SLIT1: variants seen among roughly 807,000 people sequenced by gnomAD.
SLIT1 encodes the protein slit guidance ligand 1.
SLIT1 carries 66 observed loss-of-function variants against 186.1 expected under a neutral mutation model. The ratio of observed to expected loss-of-function variants is 0.35; its 90% CI spans 0.29 to 0.44. The LOEUF (loss-of-function observed/expected upper bound fraction) is 0.44, where lower values mean the gene tolerates loss of function less well. Ranked by LOEUF, SLIT1 falls within the 20% of genes least tolerant of loss-of-function variation. The pLI is 1.00. For synonymous variants in SLIT1, 761 were observed against 833.8 expected, an observed-to-expected ratio of 0.91 and a Z score of 1.50; for missense variants, 1,638 against 2,037.4, an observed-to-expected ratio of 0.80 and a Z score of 3.77.
chr10:97,090,600 G>C (rs531693222), intron 4 of SLIT1, among the ~76,000 whole-genome samples: 16 of 152,182 alleles, frequency 1.1e-4, no homozygotes, highest in Non-Finnish European at 1.8e-4. Context: ...AGGGTGTTGG[G>C]GGGGGCAGTG....
At chr10:97,020,663 C>T (rs79477242) in intron 26 of SLIT1, among the ~76,000 whole-genome samples, 3 of 152,262 alleles carry the variant, frequency 2.0e-5, no homozygotes, top group Non-Finnish European at 4.4e-5. Context: ...GTCCTCCCCC[C>T]GCTGTACCCC....
At chr10:97,118,556 C>G (rs961547146) in intron 4 of SLIT1, among the ~76,000 whole-genome samples, 1 of 152,200 alleles carries the variant, frequency 6.6e-6, no homozygotes, top group African/African-American at 2.4e-5. Context: ...AGGTTCTGAC[C>G]TTCAATAGAA....
rs118161273 is a variant in SLIT1, at chr10:97,014,798, G to A, written c.2970-640C>T. On this transcript the variant is annotated intron_variant, in intron 28 of 36. Coordinates refer to ENST00000266058, the MANE Select transcript of SLIT1 (RefSeq NM_003061.3). ...GGAGAATCGCTTGAACCTGTGAGGT[G>A]GAGGTTATAGTTAGCCAAGATCATG... 5.8e-3 allele frequency among the ~76,000 whole-genome samples: 888 copies of A among 152,094 alleles called. 5 individuals carry two copies. The highest frequency in any genetic ancestry group is 0.016 in the South Asian group (78 of 4,806).
intron 4 of SLIT1, among the ~76,000 whole-genome samples, chr10:97,122,978 C>A (rs1012398609): frequency 6.6e-6 from 1 of 152,194 alleles, no homozygotes; most frequent in African/African-American, 2.4e-5. Flanking sequence ...CAACAGATGT[C>A]ATTTATCCAG....
intron 4 of SLIT1, among the ~76,000 whole-genome samples, chr10:97,118,369 C>T (rs2817703): frequency 0.46 from 70,562 of 151,976 alleles, 19,157 homozygotes; most frequent in Non-Finnish European, 0.6. Context: ...CACTTCTTGG[C>T]GCAGCAGGAC....
Position 97,184,901 on chromosome 10 carries a change from G to A in SLIT1, c.197+577C>T, listed in dbSNP as rs1221063367. Among the ~76,000 whole-genome samples, 1 of 152,168 alleles carries A rather than the reference G, an allele frequency of 6.6e-6. No homozygotes were observed. ...GGATGGCTGGGTGTGGAGGGAGGCG[G>A]GTGAGTAGGGGACCAACGCGTGGCA... On this transcript the variant is annotated intron_variant, in intron 1 of 36. Transcript: ENST00000266058. The surrounding 1 kb of genome is among the most constrained non-coding windows in gnomAD (Gnocchi z 4.4).
At chr10:97,133,055 G>A (rs930739217) in intron 4 of SLIT1, among the ~76,000 whole-genome samples, 8 of 152,232 alleles carry the variant, frequency 5.3e-5, no homozygotes, top group Non-Finnish European at 8.8e-5. Context: ...TGGAAATTGG[G>A]AAGTTGCATG....
intron 22 of SLIT1, among the ~76,000 whole-genome samples, chr10:97,037,332 G>A (rs1848649456): frequency 6.6e-6 from 1 of 151,894 alleles, no homozygotes; most frequent in South Asian, 2.1e-4. Context: ...ACATGAGTTC[G>A]AGAGGTTATC....
In SLIT1 at chr10:97,037,712, C is replaced by T. The variant is rs1477491156; in HGVS notation, c.2352G>A (p.Lys784=). The T allele has an allele frequency of 1.2e-6, 2 of 1,609,558 alleles. No homozygotes were observed. Among genetic ancestry groups the T allele is most frequent in the Non-Finnish European group, 1.7e-6 (2 of 1,176,352 alleles). Residue 784 remains lysine, a synonymous_variant, in exon 22 of 37, where the codon AAG becomes AAA. Coordinates refer to ENST00000266058, the MANE Select transcript of SLIT1 (RefSeq NM_003061.3). ...TLVPGQLSTF[K]YLQLVDLSNN... The stretch of plus-strand genomic sequence containing the variant: ...TGGATACTTACACGAGCTGCAGGTA[C>T]TTGAAGGTAGACAGCTGTCCCGGAA...
intron 21 of SLIT1, among the ~76,000 whole-genome samples, chr10:97,039,352 A>G (rs1355068693): frequency 6.6e-6 from 1 of 152,148 alleles, no homozygotes; most frequent in East Asian, 1.9e-4. Context: ...GATACCAAAT[A>G]CCAATCAGCC....
At chr10:97,023,123 C>T (rs1848515806) in intron 25 of SLIT1, among the ~76,000 whole-genome samples, 1 of 151,950 alleles carries the variant, frequency 6.6e-6, no homozygotes, top group Admixed American at 6.6e-5. Flanking sequence ...ACGATCTCAG[C>T]TCACCGCAAC....
chr10:97,011,173 A>T (rs750482095), intron 30 of SLIT1, 43 bp from the exon 31 acceptor site: 1 of 1,472,842 alleles, frequency 6.8e-7, no homozygotes, highest in Non-Finnish European at 9.5e-7. Context: ...TCAGCCACAC[A>T]GAGTCTGGGA....
At chr10:97,101,014 A>T (rs1849347728) in intron 4 of SLIT1, among the ~76,000 whole-genome samples, 1 of 152,196 alleles carries the variant, frequency 6.6e-6, no homozygotes, top group Admixed American at 6.5e-5. Flanking sequence ...CTCTCTGTGC[A>T]TCAATGAAGC....
chr10:97,098,725 A>C (rs1849317900), intron 4 of SLIT1, among the ~76,000 whole-genome samples: 1 of 152,304 alleles, frequency 6.6e-6, no homozygotes. Context: ...AGCACCAAGT[A>C]GGATGTCTGG....
chr10:97,098,456 A>G (rs1009432825), intron 4 of SLIT1, among the ~76,000 whole-genome samples: 1 of 152,202 alleles, frequency 6.6e-6, no homozygotes. Context: ...GAGGGCTTCT[A>G]GGGGTACGGT....
At chr10:97,078,305 C>T (rs568464010) in intron 4 of SLIT1, among the ~76,000 whole-genome samples, 4 of 152,008 alleles carry the variant, frequency 2.6e-5, no homozygotes, top group East Asian at 3.9e-4. Context: ...TGGAGAGGTG[C>T]GCCCCTTCCC....
At position 97,011,134 on chromosome 10, in the gene SLIT1, G is replaced by C; in HGVS notation, c.3204-4C>G. The C allele has an allele frequency of 6.2e-7, 1 of 1,612,282 alleles. No individual in the cohort carries two copies. Reference sequence around the variant, plus strand: ...ATAACCTGGCATGCACTCACACCTAGTGGGTGGGGGGCAGGGGTAGTTGGG... The same window carrying C: ...ATAACCTGGCATGCACTCACACCTACTGGGTGGGGGGCAGGGGTAGTTGGG... On this transcript the variant is annotated splice_polypyrimidine_tract_variant and splice_region_variant and intron_variant, in intron 30 of 36. Transcript: ENST00000266058.
chr10:97,102,921 T>C (rs564230030), intron 4 of SLIT1: 32 of 152,318 alleles, frequency 2.1e-4, no homozygotes, highest in Admixed American at 1.0e-3. Flanking sequence ...AAGCTGGCAA[T>C]CACCAGGTCC....
In SLIT1 at chr10:97,166,178, G is replaced by A. The variant is rs190981988; in HGVS notation, c.198-1288C>T. Among the ~76,000 whole-genome samples, 45 of 152,098 alleles carry A rather than the reference G, an allele frequency of 3.0e-4. 1 individual carries two copies. In the South Asian group the frequency reaches 8.5e-3, roughly 29 times the overall value. Reference sequence around the variant, plus strand: ...GGCCAAGAGTTCAACCCAAGTCCAAGCTACTTTGAGAAATAAAGTCCCTGT... The same window carrying A: ...GGCCAAGAGTTCAACCCAAGTCCAAACTACTTTGAGAAATAAAGTCCCTGT... On this transcript the variant is annotated intron_variant, in intron 1 of 36. Transcript: ENST00000266058.
Sources: gnomAD v4.1 joint callset for allele counts (sites outside exome capture counted in the v4.1 genomes callset) on GRCh38, gnomAD v4.1.1 for gene constraint, Gnocchi (gnomAD v3.1) non-coding constraint, MANE v1.5 for transcripts, NCBI Gene and HGNC (gene_info 2026-07-23, HGNC 2026-07-21) for gene names.